Variants in LRFN2 observed in about 807,000 individuals in gnomAD.
LRFN2 encodes leucine-rich repeat and fibronectin type-III domain-containing protein 2.
Under a neutral mutation model 37.3 loss-of-function variants are expected in LRFN2, and 18 were observed. That is an observed-to-expected ratio of 0.48 (90% confidence interval 0.33 to 0.72). The LOEUF (loss-of-function observed/expected upper bound fraction) is 0.72, where lower values mean the gene tolerates loss of function less well. Among genes scored for constraint, LRFN2 ranks in the 30% least tolerant of loss-of-function variants. The probability of loss-of-function intolerance (pLI) is 0.02; values close to 1 mark genes in which losing one functional copy is unlikely to be tolerated. For missense variants in LRFN2, 1,006 were observed against 1,060.7 expected (o/e 0.95, Z 0.72); for synonymous variants, 556 against 466.6 (o/e 1.19, Z -2.47).
chr6:40,558,738 C>T (rs1561907578), intron 1 of LRFN2, among the ~76,000 whole-genome samples: 1 of 152,194 alleles, frequency 6.6e-6, no homozygotes, highest in East Asian at 1.9e-4. Context: ...TTTGCAAGCA[C>T]TTTACTGACA....
intron 1 of LRFN2, among the ~76,000 whole-genome samples, chr6:40,464,514 C>A (rs1449947957): frequency 6.6e-6 from 1 of 152,190 alleles, no homozygotes; most frequent in African/African-American, 2.4e-5. Context: ...AGCCCCTTGA[C>A]CTTGGGCTTC....
chr6:40,554,300 T>C (rs533206056), intron 1 of LRFN2, among the ~76,000 whole-genome samples: 32 of 152,284 alleles, frequency 2.1e-4, no homozygotes, highest in Non-Finnish European at 2.8e-4. Flanking sequence ...TATAGTGGAC[T>C]AACCTCATGC....
At chr6:40,401,201 C>A (rs1344372856) in intron 2 of LRFN2, among the ~76,000 whole-genome samples, 1 of 152,174 alleles carries the variant, frequency 6.6e-6, no homozygotes, top group Non-Finnish European at 1.5e-5. Context: ...TGTGGAATGA[C>A]TACCAAACCC....
At chr6:40,563,014 G>A (rs1767028532) in intron 1 of LRFN2, among the ~76,000 whole-genome samples, 1 of 152,124 alleles carries the variant, frequency 6.6e-6, no homozygotes, top group Admixed American at 6.5e-5. Context: ...TTATAAGCAT[G>A]TCTCCCTGAG....
intron 1 of LRFN2, among the ~76,000 whole-genome samples, chr6:40,474,816 A>G (rs922283232): frequency 1.3e-5 from 2 of 152,354 alleles, no homozygotes; most frequent in Non-Finnish European, 2.9e-5. Context: ...TGAGATCCTT[A>G]TTCCAAATAA....
rs1581684671 is a variant in LRFN2, at chr6:40,410,818, A to G, written c.1401-17906T>C. Among the ~76,000 whole-genome samples the G allele has an allele frequency of 3.9e-5, 6 of 152,272 alleles. No homozygotes were observed. The South Asian group carries it at 1.2e-3, about 32-fold the overall frequency. On this transcript the variant is annotated intron_variant, in intron 2 of 2. Coordinates refer to ENST00000338305, the MANE Select transcript of LRFN2 (RefSeq NM_020737.3). ...GCCAGATGGGCAGAGGAGCCTTCCT[A>G]TGGGATTTGTTCATTAGCCAGGAGC...
intron 1 of LRFN2, among the ~76,000 whole-genome samples, chr6:40,531,425 A>T (rs755523032): frequency 4.6e-5 from 7 of 152,142 alleles, no homozygotes; most frequent in Admixed American, 1.3e-4. Flanking sequence ...CCAGGAACAC[A>T]TCTTGCCGGG....
At chr6:40,428,686 T>C (rs1013419834) in intron 2 of LRFN2, among the ~76,000 whole-genome samples, 7 of 152,252 alleles carry the variant, frequency 4.6e-5, no homozygotes, top group African/African-American at 9.6e-5. Flanking sequence ...ATTCTCTTGG[T>C]CTTTTATGCT....
At chr6:40,404,999 C>T (rs1298932153) in intron 2 of LRFN2, among the ~76,000 whole-genome samples, 2 of 152,228 alleles carry the variant, frequency 1.3e-5, no homozygotes, top group East Asian at 1.9e-4. Flanking sequence ...CTTCCCAAGG[C>T]TTGGCCCCAC....
At chr6:40,507,193 T>G (rs748618949) in intron 1 of LRFN2, among the ~76,000 whole-genome samples, 147 of 152,324 alleles carry the variant, frequency 9.7e-4, no homozygotes, top group Non-Finnish European at 2.8e-4. Flanking sequence ...CCTTGACTCA[T>G]CTGGCACATG....
chr6:40,414,929 A>G (rs1397459565), intron 2 of LRFN2, among the ~76,000 whole-genome samples: 1 of 152,200 alleles, frequency 6.6e-6, no homozygotes, highest in Non-Finnish European at 1.5e-5. Flanking sequence ...TTGGCACCAC[A>G]GGAGACTAGG....
At chr6:40,522,409 G>A (rs986483210) in intron 1 of LRFN2, among the ~76,000 whole-genome samples, 1 of 152,068 alleles carries the variant, frequency 6.6e-6, no homozygotes. Flanking sequence ...CACTACCCAA[G>A]GCACAGGCTT....
chr6:40,451,126 C>T (rs9471346), intron 1 of LRFN2, among the ~76,000 whole-genome samples: 2,666 of 152,258 alleles, frequency 0.018, 88 homozygotes, highest in African/African-American at 0.061. Context: ...GTTTGTTTTA[C>T]TCCTTAATCC....
chr6:40,433,324 C>T (rs895320287), intron 1 of LRFN2, among the ~76,000 whole-genome samples, 193 bp from the exon 2 acceptor site: 4 of 152,228 alleles, frequency 2.6e-5, no homozygotes, highest in African/African-American at 9.6e-5. Context: ...AGCTTTATCA[C>T]CTTCTAACAC....
intron 1 of LRFN2, among the ~76,000 whole-genome samples, chr6:40,479,450 C>T (rs1764779156): frequency 6.6e-6 from 1 of 151,994 alleles, no homozygotes; most frequent in African/African-American, 2.4e-5. Context: ...TCACTGGGGC[C>T]TCAGTTTCCT....
At chr6:40,455,393 G>A (rs771329760) in intron 1 of LRFN2, among the ~76,000 whole-genome samples, 2 of 152,178 alleles carry the variant, frequency 1.3e-5, no homozygotes, top group Non-Finnish European at 2.9e-5. Context: ...TGGATTCCAT[G>A]TGGGGTCTGG....
chr6:40,488,622 A>G (rs1275817831), intron 1 of LRFN2, among the ~76,000 whole-genome samples: 1 of 152,184 alleles, frequency 6.6e-6, no homozygotes, highest in African/African-American at 2.4e-5. Flanking sequence ...TGTGGCCCAT[A>G]GAGTGTAATT....
intron 1 of LRFN2, chr6:40,502,538 C>T (rs1765411568): frequency 6.6e-6 from 1 of 152,244 alleles, no homozygotes; most frequent in African/African-American, 2.4e-5. Flanking sequence ...CAGCAGGGCA[C>T]TAGCTCCTGA....
chr6:40,513,067 C>T (rs1033932712), intron 1 of LRFN2, among the ~76,000 whole-genome samples: 6 of 152,102 alleles, frequency 3.9e-5, no homozygotes, highest in African/African-American at 1.2e-4. Flanking sequence ...ACTGCTGGGA[C>T]GCAGAGGTAG....
Sources: gnomAD v4.1 joint callset for allele counts (sites outside exome capture counted in the v4.1 genomes callset) on GRCh38, gnomAD v4.1.1 for gene constraint, MANE v1.5 for transcripts, NCBI Gene and HGNC (gene_info 2026-07-23, HGNC 2026-07-21) for gene names.